COBL: variants seen among roughly 807,000 people sequenced by gnomAD.
COBL encodes cordon-bleu WH2 repeat protein.
Under a neutral mutation model 98.8 loss-of-function variants are expected in COBL, and 51 were observed. The ratio of observed to expected loss-of-function variants is 0.52; its 90% CI spans 0.41 to 0.65. The LOEUF is 0.65. COBL is among the 30% of genes least tolerant of loss of function. The probability of loss-of-function intolerance (pLI) is 0.00; values close to 1 mark genes in which losing one functional copy is unlikely to be tolerated. For synonymous variants in COBL, 634 were observed against 651.7 expected (o/e 0.97, Z 0.41); for missense variants, 1,617 against 1,617.5 (o/e 1.00, Z 0.01).
chr7:51,028,891 C>T lies in COBL; in HGVS notation c.2205G>A (p.Glu735=). The T allele has an allele frequency of 6.2e-7, 1 of 1,614,220 alleles. No homozygotes were observed. The highest frequency in any genetic ancestry group is 1.1e-5 in the South Asian group (1 of 91,086). The stretch of plus-strand genomic sequence containing the variant: ...CGTGAGGACTCACCAAGTTCCCCAG[C>T]TCGTCAATCTTAATGGCTCCGGTGG... The part of the protein sequence containing the change: ...SLSTGAIKID[E]LGNLVSPHAT... Residue 735 remains glutamate, a synonymous_variant, in exon 10 of 13, where the codon GAG becomes GAA. Coordinates refer to ENST00000265136, the MANE Select transcript of COBL (RefSeq NM_015198.5).
chr7:51,135,018 AGT>A (rs1207482411), intron 6 of COBL, among the ~76,000 whole-genome samples: 7 of 151,956 alleles, frequency 4.6e-5, no homozygotes, highest in Non-Finnish European at 1.0e-4. Flanking sequence ...GCTAGAGTGC[AGT>A]GGCGTGATCT....
rs781489867 is a variant in COBL at position 51,296,497 on chromosome 7, CA to C, written c.41+20095del. Among the ~76,000 whole-genome samples the C allele has an allele frequency of 9.7e-4, 148 of 151,842 alleles. 1 individual carries two copies. Among genetic ancestry groups the C allele is most frequent in the Admixed American group, 4.3e-3 (66 of 15,238 alleles). ...TTTGTTTTTGGTTTTGCTTTTTTAC[CA>C]AAGTTAACTTGTGTAAAGTTATTTT... On this transcript the variant is annotated intron_variant, in intron 1 of 12. Transcript: ENST00000265136.
At chr7:51,212,497 C>G (rs552493383) in intron 2 of COBL, among the ~76,000 whole-genome samples, 1 of 152,110 alleles carries the variant, frequency 6.6e-6, no homozygotes, top group African/African-American at 2.4e-5. Context: ...GAGGGGACTT[C>G]GATCTACATT....
chr7:51,234,101 G>C (rs1795015289), intron 1 of COBL, among the ~76,000 whole-genome samples: 1 of 152,188 alleles, frequency 6.6e-6, no homozygotes, highest in African/African-American at 2.4e-5. Flanking sequence ...AGCCTGTTTT[G>C]ATACTGGTGT....
chr7:51,194,499 T>C (rs907803941), intron 2 of COBL, among the ~76,000 whole-genome samples: 2 of 152,222 alleles, frequency 1.3e-5, no homozygotes, highest in African/African-American at 2.4e-5. Context: ...CTGGGTTGAA[T>C]GGTAGTTCTG....
At chr7:51,080,102 C>T (rs1197189926) in intron 7 of COBL, among the ~76,000 whole-genome samples, 1 of 152,154 alleles carries the variant, frequency 6.6e-6, no homozygotes, top group Non-Finnish European at 1.5e-5. Context: ...CCAGCAAAGC[C>T]ATCAGGCCTA....
chr7:51,022,427 T>C (rs1220885964), intron 12 of COBL, among the ~76,000 whole-genome samples: 1 of 152,166 alleles, frequency 6.6e-6, no homozygotes, highest in African/African-American at 2.4e-5. Flanking sequence ...ACGGTGACCT[T>C]TCCTCCAAGC....
At chr7:51,189,445 C>T (rs927104928) in intron 4 of COBL, among the ~76,000 whole-genome samples, 22 of 152,124 alleles carry the variant, frequency 1.4e-4, no homozygotes, top group African/African-American at 5.3e-4. Flanking sequence ...ACCAGCCTGG[C>T]CAACGTGGTG....
At chr7:51,052,857 C>A (rs1003661244) in intron 7 of COBL, among the ~76,000 whole-genome samples, 6 of 152,182 alleles carry the variant, frequency 3.9e-5, no homozygotes, top group African/African-American at 1.2e-4. Context: ...ATGTGGCCTA[C>A]TTTTACTTAG....
chr7:51,280,150 C>A lies in COBL; in HGVS notation c.41+36443G>T, dbSNP rs749270965. On this transcript the variant is annotated intron_variant, in intron 1 of 12. Transcript: ENST00000265136. ...TTAGAGACCAGAATTCGAAGTACCA[C>A]GAAAACAGCACTCAGTTTAACATTT... 2.6e-5 allele frequency among the ~76,000 whole-genome samples: 4 copies of A among 152,210 alleles called. 1 individual carries two copies. In the East Asian group the frequency reaches 7.7e-4, roughly 29 times the overall value.
At chr7:51,111,364 A>C (rs1796808534) in intron 6 of COBL, among the ~76,000 whole-genome samples, 1 of 152,088 alleles carries the variant, frequency 6.6e-6, no homozygotes, top group Non-Finnish European at 1.5e-5. Flanking sequence ...AAGCCCTTCT[A>C]ACTTGGCCTT....
intron 7 of COBL, chr7:51,065,002 TCAGA>T: frequency 9.9e-6 from 6 of 604,368 alleles, no homozygotes; most frequent in South Asian, 8.2e-5. Flanking sequence ...TGGCAAGCTT[TCAGA>T]CAGACAGAAT....
At chr7:51,294,143 T>C (rs1268735297) in intron 1 of COBL, among the ~76,000 whole-genome samples, 4 of 145,498 alleles carry the variant, frequency 2.7e-5, no homozygotes, top group Non-Finnish European at 6.0e-5. Flanking sequence ...ATACAAAAAT[T>C]AGCCAGGCAT....
At chr7:51,130,694 A>C (rs1365699965) in intron 6 of COBL, among the ~76,000 whole-genome samples, 1 of 152,208 alleles carries the variant, frequency 6.6e-6, no homozygotes, top group African/African-American at 2.4e-5. Flanking sequence ...AACAGGATCA[A>C]GAACACACCA....
At chr7:51,187,054 C>T (rs943825631) in intron 4 of COBL, among the ~76,000 whole-genome samples, 4 of 152,092 alleles carry the variant, frequency 2.6e-5, no homozygotes, top group Non-Finnish European at 4.4e-5. Flanking sequence ...TGGGAACTCA[C>T]ACAGTCTGCA....
intron 5 of COBL, among the ~76,000 whole-genome samples, chr7:51,152,356 C>G (rs191573549): frequency 2.0e-5 from 3 of 152,166 alleles, no homozygotes; most frequent in African/African-American, 7.2e-5. Context: ...TCTTAGCTAC[C>G]CTGAATCCCA....
chr7:51,146,748 G>C (rs899279724), intron 5 of COBL, among the ~76,000 whole-genome samples: 2 of 152,174 alleles, frequency 1.3e-5, no homozygotes, highest in African/African-American at 4.8e-5. Flanking sequence ...CTCATATAAA[G>C]GCAGGTGGTG....
At chr7:51,259,722 C>T (rs1797547941) in intron 1 of COBL, 1 of 740,610 alleles carries the variant, frequency 1.4e-6, no homozygotes, top group Non-Finnish European at 2.5e-6. Context: ...AAAATGAGTT[C>T]CCAGGCAGAC....
At chr7:51,221,821 T>G (rs1089285) in intron 1 of COBL, among the ~76,000 whole-genome samples, 27,352 of 152,202 alleles carry the variant, frequency 0.18, 3,812 homozygotes, top group African/African-American at 0.37. Context: ...CAAAAGTGAT[T>G]AGATGAGGCT....
Sources: allele counts gnomAD v4.1 joint callset (sites outside exome capture counted in the v4.1 genomes callset), GRCh38; gene constraint gnomAD v4.1.1; transcripts MANE v1.5; gene names NCBI Gene and HGNC (gene_info 2026-07-23, HGNC 2026-07-21).